The following GALNT11 variants were observed in gnomAD, a reference collection of about 807,000 sequenced individuals.
GALNT11 encodes UDP-GalNAc:polypeptide N-acetylgalactosaminyltransferase 11.
In GALNT11, 47 loss-of-function variants were observed where a neutral mutation model predicts 72.7. That is an observed-to-expected ratio of 0.65 (90% CI 0.51 to 0.82). The LOEUF (loss-of-function observed/expected upper bound fraction) is 0.82. GALNT11 is among the 40% of genes least tolerant of loss of function. The pLI is 0.00. For missense variants in GALNT11, 677 were observed against 778.4 expected, an observed-to-expected ratio of 0.87 and a Z score of 1.55; for synonymous variants, 270 against 286.6, an observed-to-expected ratio of 0.94 and a Z score of 0.58.
intron 4 of GALNT11, 136 bp downstream of exon 4, chr7:152,103,414 C>A (rs941973253): frequency 5.1e-5 from 40 of 779,252 alleles, no homozygotes; most frequent in Middle Eastern, 3.0e-4. Flanking sequence ...GGGCTGACCA[C>A]AAATAAGTCT....
intron 7 of GALNT11, among the ~76,000 whole-genome samples, chr7:152,112,540 CAAA>C (rs923534651): frequency 1.2e-5 from 1 of 86,512 alleles, no homozygotes; most frequent in African/African-American, 4.5e-5. Flanking sequence ...TGTGTCTCAA[CAAA>C]AAAAAAAAAA....
chr7:152,078,448 G>A (rs1028498910), intron 1 of GALNT11, among the ~76,000 whole-genome samples: 5 of 152,082 alleles, frequency 3.3e-5, no homozygotes, highest in African/African-American at 1.2e-4. Context: ...TGATCCACCC[G>A]CCTCGGCCTC....
At chr7:152,064,276 AC>A (rs2084183870) in intron 1 of GALNT11, among the ~76,000 whole-genome samples, 1 of 151,890 alleles carries the variant, frequency 6.6e-6, no homozygotes, top group South Asian at 2.1e-4. Flanking sequence ...TAGGATTGCA[AC>A]CCCTGCCTTT....
chr7:152,061,045 C>A (rs1587080529), intron 1 of GALNT11, among the ~76,000 whole-genome samples: 1 of 152,292 alleles, frequency 6.6e-6, no homozygotes, highest in Non-Finnish European at 1.5e-5. Context: ...TGAGGAATCA[C>A]CACACTGTCT....
At chr7:152,062,653 T>G (rs1166105422) in intron 1 of GALNT11, among the ~76,000 whole-genome samples, 1 of 152,194 alleles carries the variant, frequency 6.6e-6, no homozygotes, top group Admixed American at 6.5e-5. Flanking sequence ...AATACCTAAT[T>G]TATTGAGAGT....
At chr7:152,121,422 AC>A in intron 11 of GALNT11, 123 bp from the exon 12 acceptor site, 5 of 1,181,792 alleles carry the variant, frequency 4.2e-6, no homozygotes, top group Non-Finnish European at 5.9e-6. Flanking sequence ...CAGAAAACTA[AC>A]CTTTGGCTAA....
intron 1 of GALNT11, among the ~76,000 whole-genome samples, chr7:152,035,967 C>T (rs540282850): frequency 5.6e-4 from 86 of 152,294 alleles, no homozygotes; most frequent in African/African-American, 2.0e-3. Context: ...CTGCCCAGCT[C>T]TCTTCTTGCT....
chr7:152,066,325 G>C (rs1305045584), intron 1 of GALNT11, among the ~76,000 whole-genome samples: 1 of 152,170 alleles, frequency 6.6e-6, no homozygotes, highest in Non-Finnish European at 1.5e-5. Context: ...TATTTTCAAG[G>C]TACCGTCTGT....
At chr7:152,090,897 G>A (rs996366150) in intron 1 of GALNT11, among the ~76,000 whole-genome samples, 1 of 152,118 alleles carries the variant, frequency 6.6e-6, no homozygotes, top group Non-Finnish European at 1.5e-5. Flanking sequence ...AAGCCATTAT[G>A]GGGTGTATAG....
At chr7:152,068,376 C>T (rs1587132162) in intron 1 of GALNT11, among the ~76,000 whole-genome samples, 1 of 152,190 alleles carries the variant, frequency 6.6e-6, no homozygotes, top group African/African-American at 2.4e-5. Flanking sequence ...CTGAATAAAA[C>T]TCCATTGTAT....
At chr7:152,092,182 C>A (rs2086083136) in intron 1 of GALNT11, among the ~76,000 whole-genome samples, 1 of 152,180 alleles carries the variant, frequency 6.6e-6, no homozygotes, top group Admixed American at 6.5e-5. Flanking sequence ...TTTACTTGCT[C>A]TTTGTCTACC....
chr7:152,079,077 C>G (rs867026225), intron 1 of GALNT11, among the ~76,000 whole-genome samples: 4 of 152,276 alleles, frequency 2.6e-5, no homozygotes, highest in Middle Eastern at 3.4e-3. Flanking sequence ...AAGCGAAAAC[C>G]CTTTAACTAA....
intron 1 of GALNT11, among the ~76,000 whole-genome samples, chr7:152,073,738 A>G (rs1219480483): frequency 6.6e-6 from 1 of 152,146 alleles, no homozygotes; most frequent in Non-Finnish European, 1.5e-5. Flanking sequence ...TAGTGGCTGT[A>G]CTAGTTGATA....
At position 152,094,114 on chromosome 7, in the gene GALNT11, G is replaced by A; in HGVS notation, c.-38-76G>A. 1 of 1,269,022 alleles carries A rather than the reference G, an allele frequency of 7.9e-7. No homozygotes were observed. The highest frequency in any genetic ancestry group is 2.3e-5 in the East Asian group (1 of 42,600). 78.6% of individuals were successfully genotyped at this position (1,269,022 alleles called of 1,614,324 possible). On this transcript the variant is annotated intron_variant, in intron 1 of 11. Coordinates refer to ENST00000430044, the MANE Select transcript of GALNT11 (RefSeq NM_022087.4). This position sits in a 1 kb window ranked among gnomAD's most constrained non-coding sequence, Gnocchi z 4.3. Reference sequence around the variant, plus strand: ...CATAGTGGTCCTACTTGGTGGTTTGGAAAACAGTGATTCTGTATTTGGTGG... The same window carrying A: ...CATAGTGGTCCTACTTGGTGGTTTGAAAAACAGTGATTCTGTATTTGGTGG...
chr7:152,066,099 C>T (rs2084294057), intron 1 of GALNT11, among the ~76,000 whole-genome samples: 1 of 152,240 alleles, frequency 6.6e-6, no homozygotes, highest in South Asian at 2.1e-4. Context: ...GTTTGAGCTT[C>T]CTGGCTGCTT....
At chr7:152,055,039 G>A (rs960423294) in intron 1 of GALNT11, among the ~76,000 whole-genome samples, 2 of 152,212 alleles carry the variant, frequency 1.3e-5, no homozygotes, top group African/African-American at 4.8e-5. Flanking sequence ...ACAGGGAGGA[G>A]TTGCTGTTGC....
At chr7:152,080,592 T>C (rs2085263714) in intron 1 of GALNT11, among the ~76,000 whole-genome samples, 1 of 152,216 alleles carries the variant, frequency 6.6e-6, no homozygotes, top group Non-Finnish European at 1.5e-5. Context: ...GTGAGACTTC[T>C]GGTGATTTTT....
At chr7:152,081,683 C>T (rs1242809131) in intron 1 of GALNT11, among the ~76,000 whole-genome samples, 2 of 152,196 alleles carry the variant, frequency 1.3e-5, no homozygotes, top group Non-Finnish European at 2.9e-5. Flanking sequence ...GCCCTGACCC[C>T]ATACCACTCT....
chr7:152,061,366 A>G (rs1386299736), intron 1 of GALNT11, among the ~76,000 whole-genome samples: 11 of 152,120 alleles, frequency 7.2e-5, no homozygotes, highest in Admixed American at 2.6e-4. Flanking sequence ...TGTAGATTCT[A>G]GATATTAGCC....
Sources: gnomAD v4.1 joint callset for allele counts (sites outside exome capture counted in the v4.1 genomes callset) on GRCh38, gnomAD v4.1.1 for gene constraint, Gnocchi (gnomAD v3.1) non-coding constraint, MANE v1.5 for transcripts, NCBI Gene and HGNC (gene_info 2026-07-23, HGNC 2026-07-21) for gene names.